The following CADM1 variants were observed in gnomAD, a reference collection of about 807,000 sequenced individuals.
CADM1 encodes the protein cell adhesion molecule 1.
In CADM1, 15 loss-of-function variants were observed where a neutral mutation model predicts 53.1. That is an observed-to-expected ratio of 0.28 (90% confidence interval 0.19 to 0.44). The LOEUF (loss-of-function observed/expected upper bound fraction) is 0.44. CADM1 is among the 20% of genes least tolerant of loss of function. CADM1 has a pLI of 1.00. For missense variants in CADM1, 434 were observed against 611.3 expected, an observed-to-expected ratio of 0.71 and a Z score of 3.06; for synonymous variants, 281 against 243.0, an observed-to-expected ratio of 1.16 and a Z score of -1.45.
intron 1 of CADM1, among the ~76,000 whole-genome samples, chr11:115,340,536 G>C (rs1328940862): frequency 2.3e-5 from 3 of 129,962 alleles, no homozygotes; most frequent in African/African-American, 8.7e-5. Context: ...AAAAAAAAAA[G>C]CCAGGTCATA....
chr11:115,295,532 A>ATATATATATATG (rs1944043415), intron 1 of CADM1, among the ~76,000 whole-genome samples: 1 of 84,906 alleles, frequency 1.2e-5, no homozygotes, highest in Non-Finnish European at 1.9e-5. Flanking sequence ...ATATATATAT[A>ATATATATATATG]TATATATATA....
At chr11:115,265,596 T>C (rs1943111980) in intron 1 of CADM1, among the ~76,000 whole-genome samples, 1 of 152,196 alleles carries the variant, frequency 6.6e-6, no homozygotes, top group Non-Finnish European at 1.5e-5. Context: ...TCTCCACCAT[T>C]GAATACACCT....
chr11:115,473,208 C>T (rs1847449885), intron 1 of CADM1, among the ~76,000 whole-genome samples: 1 of 152,170 alleles, frequency 6.6e-6, no homozygotes, highest in Non-Finnish European at 1.5e-5. Flanking sequence ...TGTATAATCC[C>T]AACACTTTGG....
At chr11:115,353,071 GC>G (rs1945778082) in intron 1 of CADM1, among the ~76,000 whole-genome samples, 1 of 152,166 alleles carries the variant, frequency 6.6e-6, no homozygotes, top group Non-Finnish European at 1.5e-5. Flanking sequence ...AATGCTAAAG[GC>G]TTTTTGAGTT....
chr11:115,202,345 A>G (rs1940472471), intron 8 of CADM1, among the ~76,000 whole-genome samples: 1 of 152,184 alleles, frequency 6.6e-6, no homozygotes, highest in Admixed American at 6.5e-5. Context: ...TTTAAAACTA[A>G]TCCATAAATT....
chr11:115,440,389 C>T (rs1321862964), intron 1 of CADM1, among the ~76,000 whole-genome samples: 2 of 152,224 alleles, frequency 1.3e-5, no homozygotes, highest in Non-Finnish European at 2.9e-5. Context: ...TTCCCAATCT[C>T]CAGCATTGTG....
intron 1 of CADM1, among the ~76,000 whole-genome samples, chr11:115,350,868 C>A (rs1945715177): frequency 2.0e-5 from 3 of 150,716 alleles, no homozygotes; most frequent in African/African-American, 7.3e-5. Context: ...TTTAAAATCG[C>A]TATCATGGAT....
rs780504914 is a variant in CADM1 at position 115,170,140 on chromosome 11, G to C, written c.*6334C>G. On this transcript the variant is annotated 3_prime_UTR_variant, in exon 12 of 12. Coordinates refer to ENST00000331581, the MANE Select transcript of CADM1 (RefSeq NM_001301043.2). ...ATAGCACTTAAGGAAGATTTGAGGC[G>C]GTCACGTCTGAAATATGACTGTGAG... 4 of 156,534 alleles carry C rather than the reference G, an allele frequency of 2.6e-5. No individual in the cohort carries two copies. The highest frequency in any genetic ancestry group is 9.6e-5 in the African/African-American group (4 of 41,454). 9.7% of individuals were successfully genotyped at this position (156,534 alleles called of 1,614,324 possible).
intron 1 of CADM1, among the ~76,000 whole-genome samples, chr11:115,344,523 CACT>C (rs1485266037): frequency 6.6e-6 from 1 of 152,054 alleles, no homozygotes; most frequent in Non-Finnish European, 1.5e-5. Flanking sequence ...TGGCAGACAC[CACT>C]AACTGTTCAT....
At chr11:115,501,949 C>T (rs993407174) in intron 1 of CADM1, among the ~76,000 whole-genome samples, 2 of 152,158 alleles carry the variant, frequency 1.3e-5, no homozygotes, top group African/African-American at 4.8e-5. Flanking sequence ...AAAGTCATCT[C>T]ATCTCCTCAC....
intron 1 of CADM1, among the ~76,000 whole-genome samples, chr11:115,243,364 C>G (rs1942306336): frequency 6.6e-6 from 1 of 152,156 alleles, no homozygotes; most frequent in African/African-American, 2.4e-5. Context: ...TATAAGTGAT[C>G]ATGAAATATT....
intron 10 of CADM1, among the ~76,000 whole-genome samples, chr11:115,187,900 ATGT>A (rs1939653665): frequency 6.6e-6 from 1 of 152,164 alleles, no homozygotes; most frequent in Non-Finnish European, 1.5e-5. Context: ...CGTGAGGGAC[ATGT>A]TGTAGGAGTT....
chr11:115,390,126 C>A (rs947638221), intron 1 of CADM1, among the ~76,000 whole-genome samples: 4 of 152,076 alleles, frequency 2.6e-5, no homozygotes, highest in African/African-American at 7.2e-5. Flanking sequence ...CCCTCCCATC[C>A]CACCTCCCCC....
chr11:115,456,563 AG>A (rs1408968807), intron 1 of CADM1, among the ~76,000 whole-genome samples: 3 of 152,178 alleles, frequency 2.0e-5, no homozygotes, highest in Non-Finnish European at 4.4e-5. Flanking sequence ...TTAAAGGCTT[AG>A]CACTTGTATA....
intron 1 of CADM1, among the ~76,000 whole-genome samples, chr11:115,398,179 A>C (rs1477078715): frequency 6.6e-6 from 1 of 152,212 alleles, no homozygotes; most frequent in Admixed American, 6.5e-5. Flanking sequence ...CATTGGGGGA[A>C]AGTAATTTTA....
At chr11:115,218,715 C>T (rs1313904537) in intron 5 of CADM1, among the ~76,000 whole-genome samples, 2 of 152,108 alleles carry the variant, frequency 1.3e-5, no homozygotes, top group Non-Finnish European at 2.9e-5. Context: ...GATTTCTGAT[C>T]CATAAGTGCA....
intron 1 of CADM1, among the ~76,000 whole-genome samples, chr11:115,381,055 G>A (rs938060506): frequency 2.6e-5 from 4 of 151,964 alleles, no homozygotes; most frequent in African/African-American, 4.8e-5. Context: ...ATCCCACTTC[G>A]GGATTCTGAG....
At chr11:115,202,068 T>G (rs1169180664) in intron 8 of CADM1, among the ~76,000 whole-genome samples, 1 of 152,100 alleles carries the variant, frequency 6.6e-6, no homozygotes, top group Non-Finnish European at 1.5e-5. Flanking sequence ...CTACAGTTTA[T>G]CAGACCCCAT....
At chr11:115,271,310 T>TGTCA (rs2135047985) in intron 1 of CADM1, among the ~76,000 whole-genome samples, 1 of 152,142 alleles carries the variant, frequency 6.6e-6, no homozygotes, top group East Asian at 1.9e-4. Context: ...TGAGACAGAG[T>TGTCA]GTCACTCTGT....
Sources: allele counts gnomAD v4.1 joint callset (sites outside exome capture counted in the v4.1 genomes callset), GRCh38; gene constraint gnomAD v4.1.1; transcripts MANE v1.5; gene names NCBI Gene and HGNC (gene_info 2026-07-23, HGNC 2026-07-21).